Variants in HTR2A observed in about 807,000 individuals in gnomAD.
HTR2A encodes the protein 5-HT2 receptor.
Under a neutral mutation model 31.0 loss-of-function variants are expected in HTR2A, and 14 were observed. The observed-to-expected ratio is 0.45, with a 90% CI of 0.30 to 0.71. The LOEUF (loss-of-function observed/expected upper bound fraction) is 0.71. HTR2A is among the 30% of genes least tolerant of loss of function. HTR2A has a pLI of 0.09. For missense variants in HTR2A, 442 were observed against 573.3 expected (o/e 0.77, Z 2.34); for synonymous variants, 209 against 225.2 (o/e 0.93, Z 0.64).
At chr13:46,894,106 GGGA>G (rs1261199277) in intron 2 of HTR2A, among the ~76,000 whole-genome samples, 1 of 152,234 alleles carries the variant, frequency 6.6e-6, no homozygotes, top group Non-Finnish European at 1.5e-5. Context: ...TTTCTGATGC[GGGA>G]TAAGGAGGGG....
At chr13:46,845,654 A>AG (rs1302003459) in intron 3 of HTR2A, among the ~76,000 whole-genome samples, 2 of 151,268 alleles carry the variant, frequency 1.3e-5, no homozygotes, top group African/African-American at 2.4e-5. Flanking sequence ...AAAAAAAAAA[A>AG]AAAAAAGAAA....
intron 3 of HTR2A, chr13:46,854,136 A>T (rs113767065): frequency 1.3e-5 from 2 of 152,226 alleles, no homozygotes; most frequent in African/African-American, 4.8e-5. Context: ...CAGTGGACTT[A>T]GTGTCAAGTC....
chr13:46,882,333 C>T (rs1950973212), intron 3 of HTR2A, among the ~76,000 whole-genome samples: 1 of 151,960 alleles, frequency 6.6e-6, no homozygotes, highest in African/African-American at 2.4e-5. Flanking sequence ...AGTCAATAAA[C>T]ACCTAAATAC....
chr13:46,834,778 T>TTTC lies in HTR2A; in HGVS notation c.*58_*59insGAA. On this transcript the variant is annotated 3_prime_UTR_variant, in exon 4 of 4. Coordinates refer to ENST00000542664, the MANE Select transcript of HTR2A (RefSeq NM_000621.5). ...TTTTCCAATCTCATATTTTTTTTTTTCCAGATAGGTGAAAACTTGCTCAGT... is the reference window on the plus strand; with the variant it reads ...TTTTCCAATCTCATATTTTTTTTTTTTTCCCAGATAGGTGAAAACTTGCTCAGT... 1 of 1,394,652 alleles carries TTTC rather than the reference T, an allele frequency of 7.2e-7. No individual in the cohort carries two copies. The highest frequency in any genetic ancestry group is 9.8e-7 in the Non-Finnish European group (1 of 1,023,678). 86.4% of individuals were successfully genotyped at this position (1,394,652 alleles called of 1,614,324 possible). A position where few individuals can be genotyped will look rare whatever the true frequency, so the allele number is the denominator to read the frequency against.
At chr13:46,875,889 G>A (rs940834711) in intron 3 of HTR2A, among the ~76,000 whole-genome samples, 5 of 152,176 alleles carry the variant, frequency 3.3e-5, no homozygotes, top group Non-Finnish European at 5.9e-5. Context: ...AGTAATATAT[G>A]TTATAACAGA....
rs1951107509 is a variant in HTR2A at position 46,896,674 on chromosome 13, A to G, written c.-329T>C. On this transcript the variant is annotated splice_region_variant and 5_prime_UTR_variant, in exon 1 of 4. An upstream start codon of the reference 5' UTR is lost. Transcript: ENST00000542664. The stretch of plus-strand genomic sequence containing the variant: ...AAAATATAGCGGCATGAGAACTTAC[A>G]TTTGTCTTCAGGGTCCACACATGAG... 1 of 1,522,374 alleles carries G rather than the reference A, an allele frequency of 6.6e-7. No homozygotes were observed. The highest frequency in any genetic ancestry group is 8.8e-7 in the Non-Finnish European group (1 of 1,140,298). The allele number at this position is 1,522,374 out of a possible 1,614,324, so 94.3% of individuals were successfully genotyped here.
Position 46,867,603 on chromosome 13 carries a change from A to G in HTR2A, c.613+24787T>C, listed in dbSNP as rs1189765019. Among the ~76,000 whole-genome samples, 5 of 152,244 alleles carry G rather than the reference A, an allele frequency of 3.3e-5. No individual in the cohort carries two copies. In the East Asian group the frequency reaches 9.6e-4, roughly 29 times the overall value. ...GTGAATAATCTTTCAAGATGGAGAT[A>G]GTGTCTCCATCTGGAGCAAAGGTCA... On this transcript the variant is annotated intron_variant, in intron 3 of 3. Transcript: ENST00000542664.
At chr13:46,843,082 C>T (rs1032424028) in intron 3 of HTR2A, among the ~76,000 whole-genome samples, 1 of 152,216 alleles carries the variant, frequency 6.6e-6, no homozygotes, top group Non-Finnish European at 1.5e-5. Flanking sequence ...TGCAGATGCT[C>T]TGTGCCCATA....
intron 2 of HTR2A, among the ~76,000 whole-genome samples, chr13:46,893,936 A>G (rs1301422198): frequency 4.6e-5 from 7 of 152,248 alleles, no homozygotes; most frequent in African/African-American, 1.7e-4. Flanking sequence ...AGCCTAATTT[A>G]CAGCCATTCA....
intron 3 of HTR2A, among the ~76,000 whole-genome samples, chr13:46,844,844 C>G (rs1217698188): frequency 6.6e-6 from 1 of 152,142 alleles, no homozygotes; most frequent in Non-Finnish European, 1.5e-5. Context: ...GAGGCCTCCT[C>G]TAATTTTCAT....
chr13:46,874,550 C>G (rs1950891346), intron 3 of HTR2A, among the ~76,000 whole-genome samples: 1 of 152,174 alleles, frequency 6.6e-6, no homozygotes, highest in East Asian at 1.9e-4. Flanking sequence ...GTCAGGAACA[C>G]TGATGCATGG....
chr13:46,837,192 G>A (rs1950568739), intron 3 of HTR2A, among the ~76,000 whole-genome samples: 1 of 152,132 alleles, frequency 6.6e-6, no homozygotes, highest in Admixed American at 6.6e-5. Flanking sequence ...CCTTTTTAAA[G>A]GAAGATTCAA....
chr13:46,880,350 A>G (rs1351293031), intron 3 of HTR2A, among the ~76,000 whole-genome samples: 1 of 152,170 alleles, frequency 6.6e-6, no homozygotes, highest in Non-Finnish European at 1.5e-5. Context: ...TCAAGAGCAT[A>G]CAGGATCCTG....
Position 46,893,577 on chromosome 13 carries a change from C to A in HTR2A, c.413-987G>T, listed in dbSNP as rs780601068. On this transcript the variant is annotated intron_variant, in intron 2 of 3. Coordinates refer to ENST00000542664, the MANE Select transcript of HTR2A (RefSeq NM_000621.5). ...TTGGAGGGTGGGCTGAGGTGGACAT[C>A]AAATGTCAAAGCGTTTGCAAAGCTT... Among the ~76,000 whole-genome samples the A allele has an allele frequency of 8.3e-4, 126 of 152,190 alleles. 3 individuals are homozygous for A. The highest frequency in any genetic ancestry group is 4.0e-4 in the Non-Finnish European group (27 of 68,040).
intron 3 of HTR2A, among the ~76,000 whole-genome samples, chr13:46,877,897 T>TA (rs1950927909): frequency 6.6e-6 from 1 of 151,626 alleles, no homozygotes; most frequent in Non-Finnish European, 1.5e-5. Flanking sequence ...AGCAGAAGAT[T>TA]AAAAAATGAA....
rs1416507158 is a variant in HTR2A at position 46,835,346 on chromosome 13, G to A, written c.907C>T (p.Pro303Ser). The A allele has an allele frequency of 3.7e-6, 6 of 1,614,078 alleles. No homozygotes were observed. Among genetic ancestry groups the A allele is most frequent in the Non-Finnish European group, 5.1e-6 (6 of 1,179,996 alleles). ...GTCCTCCTGCCTGTGTAGGACCCTG[G>A]CTCCCTATGGATCGACCGCTGGAAG... ...KLFQRSIHRE[P>S]GSYTGRRTMQ... The change falls in exon 4 of 4, where the codon CCA becomes TCA. Residue 303 changes from proline (P) to serine (S), a missense_variant. Around this residue, in one of 5 missense-constraint regions of HTR2A, gnomAD observed 174 missense variants for 195.1 expected, o/e 0.89. Coordinates refer to ENST00000542664, the MANE Select transcript of HTR2A (RefSeq NM_000621.5).
intron 3 of HTR2A, among the ~76,000 whole-genome samples, chr13:46,867,795 T>C (rs2138222855): frequency 6.6e-6 from 1 of 152,356 alleles, no homozygotes; most frequent in Non-Finnish European, 1.5e-5. Flanking sequence ...CTGGCTATTG[T>C]AGTGAATCTC....
chr13:46,864,021 T>C (rs1950801714), intron 3 of HTR2A, among the ~76,000 whole-genome samples: 4 of 152,170 alleles, frequency 2.6e-5, no homozygotes. Flanking sequence ...ACAACATAAA[T>C]ATCCATCACT....
In HTR2A at chr13:46,835,176, C is replaced by T. The variant is rs139472849; in HGVS notation, c.1077G>A (p.Gly359=). The T allele has an allele frequency of 5.6e-6, 9 of 1,613,908 alleles. No individual in the cohort carries two copies. The African/African-American group carries it at 9.3e-5, about 17-fold the overall frequency. ...CKESCNEDVI[G]ALLNVFVWIG... ...TCCAAACAAACACATTGAGCAGGGC[C>T]CCAATGACATCCTCATTGCAGGACT... is the stretch of plus-strand genomic sequence containing the variant. Residue 359 remains glycine (G), a synonymous_variant, in exon 4 of 4, where the codon GGG becomes GGA. Transcript: ENST00000542664.
Sources: gnomAD v4.1 joint callset for allele counts (sites outside exome capture counted in the v4.1 genomes callset) on GRCh38, gnomAD v4.1.1 for gene constraint, gnomAD v4.1.1 regional missense constraint, MANE v1.5 for transcripts, NCBI Gene and HGNC (gene_info 2026-07-23, HGNC 2026-07-21) for gene names.